The following PDE1C variants were observed in gnomAD, a reference collection of about 807,000 sequenced individuals.
PDE1C encodes the protein dual specificity calcium/calmodulin-dependent 3',5'-cyclic nucleotide phosphodiesterase 1C.
PDE1C carries 62 observed loss-of-function variants against 93.1 expected under a neutral mutation model. The observed-to-expected ratio is 0.67, with a 90% CI of 0.54 to 0.82. The LOEUF is 0.82. Among genes scored for constraint, PDE1C ranks in the 40% least tolerant of loss-of-function variants. The pLI is 0.00. For synonymous variants in PDE1C, 325 were observed against 310.1 expected (o/e 1.05, Z -0.50); for missense variants, 742 against 884.6 (o/e 0.84, Z 2.04).
the PDE1C span, among the ~76,000 whole-genome samples, chr7:31,702,235 T>G: frequency 6.6e-6 from 1 of 151,664 alleles, no homozygotes; most frequent in East Asian, 1.9e-4. Context: ...ACCAATAGAT[T>G]GTTGTTCCCA....
chr7:31,638,327 A>G, the PDE1C span, among the ~76,000 whole-genome samples: 1 of 152,176 alleles, frequency 6.6e-6, no homozygotes, highest in Non-Finnish European at 1.5e-5. Flanking sequence ...AGTATACACT[A>G]TTTCCTCTGA....
intron 2 of PDE1C, among the ~76,000 whole-genome samples, chr7:32,003,382 G>A (rs868541539): frequency 1.3e-5 from 2 of 152,210 alleles, no homozygotes; most frequent in African/African-American, 2.4e-5. Context: ...CTCCAAGAGT[G>A]CATTAATCAC....
intron 3 of PDE1C, among the ~76,000 whole-genome samples, chr7:32,138,040 T>C (rs1169001748): frequency 2.0e-5 from 3 of 152,202 alleles, no homozygotes; most frequent in Non-Finnish European, 4.4e-5. Flanking sequence ...TGGCCATTTG[T>C]CAGTTATCTC....
intron 1 of PDE1C, among the ~76,000 whole-genome samples, chr7:32,248,246 C>T (rs1809109522): frequency 6.6e-6 from 1 of 152,012 alleles, no homozygotes. Flanking sequence ...TGGGGGACTC[C>T]AGACAGAATT....
intron 15 of PDE1C, among the ~76,000 whole-genome samples, chr7:31,811,552 G>A (rs1437652598): frequency 6.6e-6 from 1 of 152,104 alleles, no homozygotes; most frequent in Non-Finnish European, 1.5e-5. Flanking sequence ...AATGAAGCCA[G>A]AGATGGACTC....
chr7:32,324,820 A>G lies in PDE1C; in HGVS notation c.310+103002T>C, dbSNP rs144772627. Among the ~76,000 whole-genome samples the G allele has an allele frequency of 4.8e-3, 731 of 152,272 alleles. 5 individuals are homozygous for G. The highest frequency in any genetic ancestry group is 0.017 in the African/African-American group (700 of 41,556). On this transcript the variant is annotated intron_variant, in intron 1 of 1. Transcript: ENST00000672256. The stretch of plus-strand genomic sequence containing the variant: ...AAAAATTAGCTGGGTGCAGTGGTGC[A>G]TGCCTGTAGTCCCAGCTACCAGGGA...
chr7:31,960,834 G>A (rs1563102234), intron 2 of PDE1C, among the ~76,000 whole-genome samples: 1 of 152,090 alleles, frequency 6.6e-6, no homozygotes, highest in African/African-American at 2.4e-5. Context: ...AATCTAACAG[G>A]TGTATCAGTC....
intron 2 of PDE1C, among the ~76,000 whole-genome samples, chr7:31,887,363 A>G (rs1798084735): frequency 6.6e-6 from 1 of 152,026 alleles, no homozygotes; most frequent in Admixed American, 6.6e-5. Context: ...TGTTAATGCT[A>G]TAAATAAAAG....
intron 2 of PDE1C, among the ~76,000 whole-genome samples, chr7:32,183,688 C>T (rs1803613147): frequency 6.6e-6 from 1 of 152,130 alleles, no homozygotes; most frequent in South Asian, 2.1e-4. Context: ...GACCTAAAAC[C>T]ATAAAAGCCC....
intron 1 of PDE1C, among the ~76,000 whole-genome samples, chr7:32,341,301 G>T (rs111727606): frequency 0.017 from 2,446 of 140,234 alleles, 67 homozygotes; most frequent in African/African-American, 0.061. Flanking sequence ...TCAGCCTCCC[G>T]AGTAGCTGGG....
intron 1 of PDE1C, among the ~76,000 whole-genome samples, chr7:32,062,078 C>A (rs1794879668): frequency 6.6e-6 from 1 of 152,124 alleles, no homozygotes. Flanking sequence ...CAGTATGTCC[C>A]ACACTGAACT....
At chr7:32,288,001 G>A (rs919442729) in intron 1 of PDE1C, among the ~76,000 whole-genome samples, 4 of 152,210 alleles carry the variant, frequency 2.6e-5, no homozygotes, top group East Asian at 3.9e-4. Context: ...TCAGGGGTTC[G>A]AGACCAGCCT....
the PDE1C span, among the ~76,000 whole-genome samples, chr7:31,664,770 T>G: frequency 5.3e-5 from 8 of 152,242 alleles, no homozygotes; most frequent in African/African-American, 1.9e-4. Context: ...GACAAATGGC[T>G]GGAAGGGACA....
Position 31,879,046 on chromosome 7 carries a change from G to T in PDE1C, c.375C>A (p.Pro125=). Residue 125 remains proline, a synonymous_variant, in exon 4 of 18, where the codon CCC becomes CCA. Transcript: ENST00000396191. ...CTGCGTGAACGATGCTCTTGAACCG[G>T]GGCTTCTCGTCGCTCCTCCTGAGCA... ...GMMLRRSDEK[P]RFKSIVHAVQ... is the part of the protein sequence containing the mutation. The T allele has an allele frequency of 6.2e-7, 1 of 1,614,096 alleles. No individual in the cohort carries two copies. Among genetic ancestry groups the T allele is most frequent in the Non-Finnish European group, 8.5e-7 (1 of 1,180,008 alleles).
At chr7:32,019,676 A>G (rs1244938724) in intron 2 of PDE1C, among the ~76,000 whole-genome samples, 1 of 152,094 alleles carries the variant, frequency 6.6e-6, no homozygotes, top group African/African-American at 2.4e-5. Context: ...GTAGGGAGGC[A>G]GCTAGATTCA....
At chr7:32,427,297 G>A (rs1562719970) in intron 1 of PDE1C, among the ~76,000 whole-genome samples, 2 of 152,158 alleles carry the variant, frequency 1.3e-5, no homozygotes, top group Non-Finnish European at 2.9e-5. Flanking sequence ...GGCACAGGGG[G>A]AGTATCTTGC....
At chr7:32,285,995 A>G (rs1215515527) in intron 1 of PDE1C, among the ~76,000 whole-genome samples, 2 of 152,166 alleles carry the variant, frequency 1.3e-5, no homozygotes, top group Non-Finnish European at 2.9e-5. Flanking sequence ...CATGCTTTTC[A>G]AGGATGAGAA....
intron 2 of PDE1C, among the ~76,000 whole-genome samples, chr7:31,953,243 G>GTTA (rs1807656726): frequency 6.6e-6 from 1 of 152,158 alleles, no homozygotes; most frequent in Non-Finnish European, 1.5e-5. Context: ...TTGCGACGGT[G>GTTA]CTGATTCAAT....
the PDE1C span, chr7:31,642,603 C>A: frequency 7.7e-7 from 1 of 1,306,770 alleles, no homozygotes; most frequent in Non-Finnish European, 1.0e-6. Flanking sequence ...AAGGCAATGA[C>A]AAGAAGAAAA....
Sources: allele counts gnomAD v4.1 joint callset (sites outside exome capture counted in the v4.1 genomes callset), GRCh38; gene constraint gnomAD v4.1.1; transcripts MANE v1.5; gene names NCBI Gene and HGNC (gene_info 2026-07-23, HGNC 2026-07-21).